The following ATRNL1 variants were observed in gnomAD, a reference collection of about 807,000 sequenced individuals.
ATRNL1 encodes the protein attractin like 1.
ATRNL1 carries 95 observed loss-of-function variants against 182.7 expected under a neutral mutation model. That is an observed-to-expected ratio of 0.52 (90% CI 0.44 to 0.62). The LOEUF is 0.62. Ranked by LOEUF, ATRNL1 falls within the 20% of genes least tolerant of loss-of-function variation. ATRNL1 has a pLI of 0.00. For synonymous variants in ATRNL1, 576 were observed against 568.3 expected, an observed-to-expected ratio of 1.01 and a Z score of -0.19; for missense variants, 1,471 against 1,679.5, an observed-to-expected ratio of 0.88 and a Z score of 2.17.
At chr10:115,454,368 G>A (rs1226838766) in intron 21 of ATRNL1, among the ~76,000 whole-genome samples, 1 of 151,816 alleles carries the variant, frequency 6.6e-6, no homozygotes, top group Non-Finnish European at 1.5e-5. Flanking sequence ...GGTCAGAATC[G>A]TTTTGACTAT....
chr10:115,294,636 G>T (rs1853088505), intron 15 of ATRNL1, among the ~76,000 whole-genome samples: 1 of 152,082 alleles, frequency 6.6e-6, no homozygotes, highest in Non-Finnish European at 1.5e-5. Context: ...TTCCTTTGGG[G>T]ATATCATGTT....
intron 9 of ATRNL1, among the ~76,000 whole-genome samples, chr10:115,225,869 T>C: frequency 6.6e-6 from 1 of 151,018 alleles, no homozygotes; most frequent in East Asian, 2.0e-4. Flanking sequence ...ATTGACATGG[T>C]GATTCTAAAA....
intron 18 of ATRNL1, among the ~76,000 whole-genome samples, chr10:115,328,208 G>A (rs1443732536): frequency 2.0e-5 from 3 of 151,754 alleles, no homozygotes; most frequent in Admixed American, 1.3e-4. Context: ...TAGACAATTG[G>A]TAATACAGAA....
intron 26 of ATRNL1, among the ~76,000 whole-genome samples, chr10:115,695,722 T>C (rs1946536384): frequency 6.6e-6 from 1 of 152,116 alleles, no homozygotes; most frequent in African/African-American, 2.4e-5. Context: ...GATTATAAAA[T>C]AATAAGAAAT....
Position 115,856,428 on chromosome 10 carries a change from C to CAAAAAAAAAAAAAAAAAAAAAAAA in ATRNL1, c.4018+8459_4018+8460insAAAAAAAAAAAAAAAAAAAAAAAA. 3.8e-3 allele frequency among the ~76,000 whole-genome samples: 86 copies of CAAAAAAAAAAAAAAAAAAAAAAAA among 22,536 alleles called. 33 individuals are homozygous for CAAAAAAAAAAAAAAAAAAAAAAAA. The highest frequency in any genetic ancestry group is 5.7e-3 in the Non-Finnish European group (69 of 12,134). The allele number at this position is 22,536 out of a possible 152,430, so 14.8% of individuals were successfully genotyped here. A position where few individuals can be genotyped will look rare whatever the true frequency, so the allele number is the denominator to read the frequency against. On this transcript the variant is annotated intron_variant, in intron 28 of 28. Transcript: ENST00000355044. ...GGGCAACAAGAGCGAAGCTCCATCTCAAAAAAAAAAAAAAAAAAAAAAGCC... is the reference window on the plus strand; with the variant it reads ...GGGCAACAAGAGCGAAGCTCCATCTCAAAAAAAAAAAAAAAAAAAAAAAAAAAAAAAAAAAAAAAAAAAAAAGCC...
At chr10:115,571,505 A>G (rs1428542634) in intron 26 of ATRNL1, among the ~76,000 whole-genome samples, 1 of 152,156 alleles carries the variant, frequency 6.6e-6, no homozygotes, top group Non-Finnish European at 1.5e-5. Context: ...CTGTTGAATT[A>G]CCCATCCAGA....
chr10:115,421,003 T>C (rs1845625298), intron 20 of ATRNL1, among the ~76,000 whole-genome samples: 1 of 152,002 alleles, frequency 6.6e-6, no homozygotes, highest in South Asian at 2.1e-4. Context: ...CATGAAGAAA[T>C]AGAAAACCTG....
intron 19 of ATRNL1, among the ~76,000 whole-genome samples, chr10:115,365,471 G>A (rs1305393242): frequency 2.8e-4 from 42 of 151,968 alleles, no homozygotes; most frequent in Non-Finnish European, 3.5e-4. Context: ...CAAAAAACCA[G>A]CTCCTGGATT....
chr10:115,197,470 ACTAT>A (rs1848404067), intron 8 of ATRNL1, among the ~76,000 whole-genome samples: 1 of 152,130 alleles, frequency 6.6e-6, no homozygotes, highest in Non-Finnish European at 1.5e-5. Flanking sequence ...GATCAGGGAA[ACTAT>A]CTGTTCCAGG....
chr10:115,809,843 G>A (rs1950008029), intron 27 of ATRNL1, among the ~76,000 whole-genome samples: 2 of 151,742 alleles, frequency 1.3e-5, no homozygotes, highest in African/African-American at 2.4e-5. Flanking sequence ...GAATTGAAAC[G>A]ATTCAAACAA....
intron 28 of ATRNL1, among the ~76,000 whole-genome samples, chr10:115,881,768 C>A (rs781884800): frequency 3.9e-5 from 6 of 152,138 alleles, no homozygotes; most frequent in Non-Finnish European, 8.8e-5. Context: ...TGGCCTCAAG[C>A]TAGTAAGTGC....
chr10:115,695,903 CTT>C (rs782085382), intron 26 of ATRNL1, among the ~76,000 whole-genome samples: 7 of 143,160 alleles, frequency 4.9e-5, no homozygotes, highest in Admixed American at 1.4e-4. Context: ...ACAACATTTT[CTT>C]TTTTTTTTTT....
chr10:115,295,868 G>A (rs116431844), intron 15 of ATRNL1, among the ~76,000 whole-genome samples: 1,797 of 152,142 alleles, frequency 0.012, 32 homozygotes, highest in African/African-American at 0.039. Context: ...TTGGTGGAAC[G>A]AAAATGAACT....
rs553748528 is a variant in ATRNL1, at chr10:115,446,138, A to G, written c.3323-15803A>G. ...ACAGATTTTTTTCTTTATTTAATAT[A>G]TGTGCTACCCTTCAACTCATTATGA... On this transcript the variant is annotated intron_variant, in intron 21 of 28. Coordinates refer to ENST00000355044, the MANE Select transcript of ATRNL1 (RefSeq NM_207303.4). Among the ~76,000 whole-genome samples, 10 of 152,064 alleles carry G rather than the reference A, an allele frequency of 6.6e-5. No individual in the cohort carries two copies. In the East Asian group the frequency reaches 1.9e-3, roughly 29 times the overall value.
chr10:115,532,983 A>C (rs537091208), intron 25 of ATRNL1, among the ~76,000 whole-genome samples: 21 of 151,774 alleles, frequency 1.4e-4, no homozygotes, highest in African/African-American at 4.8e-4. Flanking sequence ...CATGGTGGAT[A>C]AGCTTTTTGA....
rs149508009 is a variant in ATRNL1, at chr10:115,509,425, C to T, written c.3655-9838C>T. On this transcript the variant is annotated intron_variant, in intron 24 of 28. Coordinates refer to ENST00000355044, the MANE Select transcript of ATRNL1 (RefSeq NM_207303.4). ...GTGATTGGATCATGGGGATGGATCC[C>T]TCATGAATGGTTTAGCACCATCCCC... Among the ~76,000 whole-genome samples the T allele has an allele frequency of 2.6e-3, 393 of 152,056 alleles. 1 individual carries two copies. The highest frequency in any genetic ancestry group is 8.9e-3 in the African/African-American group (369 of 41,480).
At position 115,727,322 on chromosome 10, in the gene ATRNL1, T is replaced by G. The variant is rs782138275; in HGVS notation, c.3870T>G (p.Ala1290=). ...TTGATGTAGCTCTGGAAGTGGGAGC[T>G]GAACAAACAGAGTTTCTGCGAGGGC... ...ASVDVALEVG[A]EQTEFLRGPL... Residue 1290 remains alanine, a synonymous_variant, in exon 27 of 29, where the codon GCT becomes GCG. Coordinates refer to ENST00000355044, the MANE Select transcript of ATRNL1 (RefSeq NM_207303.4). The G allele has an allele frequency of 1.4e-5, 22 of 1,614,092 alleles. No homozygotes were observed. The highest frequency in any genetic ancestry group is 1.9e-5 in the Non-Finnish European group (22 of 1,179,986).
intron 17 of ATRNL1, among the ~76,000 whole-genome samples, chr10:115,314,511 T>G (rs1854195087): frequency 6.6e-6 from 1 of 152,204 alleles, no homozygotes; most frequent in Non-Finnish European, 1.5e-5. Flanking sequence ...TTTTCTTTCA[T>G]GTGACTAGAA....
chr10:115,654,450 C>T (rs1377133644), intron 26 of ATRNL1, among the ~76,000 whole-genome samples: 1 of 151,946 alleles, frequency 6.6e-6, no homozygotes, highest in Non-Finnish European at 1.5e-5. Context: ...AACTCCTGAC[C>T]TCAGGTGATC....
Sources: allele counts gnomAD v4.1 joint callset (sites outside exome capture counted in the v4.1 genomes callset), GRCh38; gene constraint gnomAD v4.1.1; transcripts MANE v1.5; gene names NCBI Gene and HGNC (gene_info 2026-07-23, HGNC 2026-07-21).